Variants in SOX6 observed in about 807,000 individuals in gnomAD.
SOX6 encodes the protein SRY-box transcription factor 6.
A neutral mutation model predicts 97.8 loss-of-function variants in SOX6; 11 were observed. That is an observed-to-expected ratio of 0.11 (90% CI 0.07 to 0.19). The LOEUF (loss-of-function observed/expected upper bound fraction) is 0.19. Among genes scored for constraint, SOX6 ranks in the 10% least tolerant of loss-of-function variants. SOX6 has a pLI of 1.00. For missense variants in SOX6, 810 were observed against 1,039.5 expected (o/e 0.78, Z 3.04); for synonymous variants, 360 against 371.4 (o/e 0.97, Z 0.35).
At chr11:16,381,764 T>C (rs1241308510) in intron 1 of SOX6, among the ~76,000 whole-genome samples, 1 of 151,828 alleles carries the variant, frequency 6.6e-6, no homozygotes. Context: ...ATCTAAAATT[T>C]CTTCTTATTC....
chr11:16,537,697 G>A (rs775621616), intron 4 of SOX6, among the ~76,000 whole-genome samples: 1 of 152,120 alleles, frequency 6.6e-6, no homozygotes, highest in African/African-American at 2.4e-5. Context: ...TTCAATAGCC[G>A]ATTCAATCAA....
chr11:16,513,441 T>C (rs1260012996), intron 4 of SOX6, among the ~76,000 whole-genome samples: 1 of 152,060 alleles, frequency 6.6e-6, no homozygotes, highest in East Asian at 1.9e-4. Context: ...GAGACCAGCC[T>C]GGCCAACATG....
At chr11:15,986,070 T>C in intron 15 of SOX6, 134 bp downstream of exon 15, 1 of 885,822 alleles carries the variant, frequency 1.1e-6, no homozygotes, top group Non-Finnish European at 1.9e-6. Flanking sequence ...GCAAAGATTC[T>C]CATGGCCAAG....
At position 16,666,605 on chromosome 11, in the gene SOX6, A is replaced by G. The variant is rs150776045; in HGVS notation, n.429+48225T>C. 2.6e-4 allele frequency among the ~76,000 whole-genome samples: 40 copies of G among 152,290 alleles called. No individual in the cohort carries two copies. In the East Asian group the frequency reaches 7.7e-3, roughly 29 times the overall value. ...CAGATCACTTGAGATTAGGAGTTTG[A>G]AAACAGCCTGGCAAATATGGCAAAA... On this transcript the variant is annotated intron_variant and non_coding_transcript_variant, in intron 3 of 5. Transcript: ENST00000524520.
Position 15,986,365 on chromosome 11 carries a change from C to T in SOX6, c.2022G>A (p.Gln674=), listed in dbSNP as rs1269941844. The stretch of plus-strand genomic sequence containing the variant: ...CTAAGTGGATCTTGCTTAGCCGGGC[C>T]TGCTCTTCATAATAAGGTTGCTTCT... ...NQEKQPYYEE[Q]ARLSKIHLEK... The change falls in exon 15 of 16, where the codon CAG becomes CAA. Residue 674 remains glutamine, a synonymous_variant. Coordinates refer to ENST00000683767, the MANE Select transcript of SOX6 (RefSeq NM_001367873.1). The T allele has an allele frequency of 6.2e-7, 1 of 1,613,934 alleles. No homozygotes were observed. Among genetic ancestry groups the T allele is most frequent in the Admixed American group, 1.7e-5 (1 of 59,972 alleles).
intron 3 of SOX6, among the ~76,000 whole-genome samples, chr11:16,668,400 A>G (rs1332478740): frequency 6.6e-6 from 1 of 152,154 alleles, no homozygotes; most frequent in East Asian, 1.9e-4. Context: ...ATAAATAAAC[A>G]GATACACAAA....
intron 4 of SOX6, among the ~76,000 whole-genome samples, chr11:16,500,014 G>T (rs1860675296): frequency 6.6e-6 from 1 of 152,088 alleles, no homozygotes; most frequent in Admixed American, 6.6e-5. Context: ...CAAAAAAAGA[G>T]AATTTTAGAC....
chr11:16,056,470 G>C (rs939790167), intron 9 of SOX6, among the ~76,000 whole-genome samples: 1 of 152,084 alleles, frequency 6.6e-6, no homozygotes, highest in Non-Finnish European at 1.5e-5. Context: ...TCTAGGCAGC[G>C]TATAACATAA....
At position 16,617,034 on chromosome 11, in the gene SOX6, A is replaced by C. The variant is rs547548520; in HGVS notation, n.430-4774T>G. ...TGTCTTTAGCATGTATCATAATGAT[A>C]CATACAAGATAGAGATGTTATCTTC... On this transcript the variant is annotated intron_variant and non_coding_transcript_variant, in intron 3 of 5. Coordinates refer to the SOX6 transcript ENST00000524520. Among the ~76,000 whole-genome samples, 8 of 152,056 alleles carry C rather than the reference A, an allele frequency of 5.3e-5. No individual in the cohort carries two copies. In the South Asian group the frequency reaches 1.7e-3, roughly 31 times the overall value.
chr11:16,114,097 C>T (rs1349047835), intron 6 of SOX6, among the ~76,000 whole-genome samples: 1 of 152,090 alleles, frequency 6.6e-6, no homozygotes, highest in Non-Finnish European at 1.5e-5. Context: ...ATGTTTAAAG[C>T]AAATACGTAA....
Position 16,696,731 on chromosome 11 carries a change from C to T in SOX6, n.429+18099G>A, listed in dbSNP as rs565287391. On this transcript the variant is annotated intron_variant and non_coding_transcript_variant, in intron 3 of 5. Coordinates refer to the SOX6 transcript ENST00000524520. ...TCTTTTTGCTAGTGGAGGTTCTTGCCTTGATGTTGATGGCTGCTGACTGAT... is the reference window on the plus strand; with the variant it reads ...TCTTTTTGCTAGTGGAGGTTCTTGCTTTGATGTTGATGGCTGCTGACTGAT... 6.6e-5 allele frequency among the ~76,000 whole-genome samples: 10 copies of T among 152,272 alleles called. No individual in the cohort carries two copies. In the East Asian group the frequency reaches 1.9e-3, roughly 29 times the overall value.
At chr11:16,578,390 A>G (rs1421084448) in intron 4 of SOX6, among the ~76,000 whole-genome samples, 1 of 152,136 alleles carries the variant, frequency 6.6e-6, no homozygotes, top group African/African-American at 2.4e-5. Flanking sequence ...TTTACTACTT[A>G]GCAATTGAAA....
chr11:16,581,110 G>C (rs1848028766), intron 4 of SOX6, among the ~76,000 whole-genome samples: 1 of 151,854 alleles, frequency 6.6e-6, no homozygotes, highest in Non-Finnish European at 1.5e-5. Flanking sequence ...ATAACCAAAG[G>C]AATAGAAATC....
intron 13 of SOX6, among the ~76,000 whole-genome samples, chr11:16,012,517 C>T (rs1334449534): frequency 1.3e-5 from 2 of 152,012 alleles, no homozygotes; most frequent in Admixed American, 6.6e-5. Context: ...AGCCCTTCTA[C>T]TATGATACTC....
At chr11:16,201,111 G>C (rs1048171799) in intron 4 of SOX6, among the ~76,000 whole-genome samples, 1 of 143,048 alleles carries the variant, frequency 7.0e-6, no homozygotes, top group African/African-American at 2.6e-5. Flanking sequence ...GTGAGACTCC[G>C]TCTCAAAAAA....
intron 3 of SOX6, among the ~76,000 whole-genome samples, chr11:16,288,847 T>C (rs768911437): frequency 2.6e-5 from 4 of 152,004 alleles, no homozygotes; most frequent in Non-Finnish European, 5.9e-5. Flanking sequence ...CTGATTTGTC[T>C]CAAACCTATT....
intron 4 of SOX6, among the ~76,000 whole-genome samples, chr11:16,553,357 G>A (rs1438696277): frequency 6.6e-6 from 1 of 152,160 alleles, no homozygotes; most frequent in Non-Finnish European, 1.5e-5. Context: ...TCAATTATAT[G>A]CAAATTAAGG....
intron 1 of SOX6, among the ~76,000 whole-genome samples, chr11:16,366,246 C>G (rs1245905330): frequency 6.6e-6 from 1 of 152,062 alleles, no homozygotes; most frequent in Non-Finnish European, 1.5e-5. Context: ...TTCATATTTC[C>G]CAGTTCTCCC....
intron 3 of SOX6, among the ~76,000 whole-genome samples, chr11:16,643,635 C>T (rs1460911336): frequency 2.6e-5 from 4 of 152,340 alleles, no homozygotes; most frequent in South Asian, 2.1e-4. Context: ...CCCCCAGCCT[C>T]GCTGCCACCT....
Sources: allele counts gnomAD v4.1 joint callset (sites outside exome capture counted in the v4.1 genomes callset), GRCh38; gene constraint gnomAD v4.1.1; transcripts MANE v1.5; gene names NCBI Gene and HGNC (gene_info 2026-07-23, HGNC 2026-07-21).